Variants in PDZD2 observed in about 807,000 individuals in gnomAD.
The protein encoded by PDZD2 is PDZ domain containing 2.
PDZD2 carries 90 observed loss-of-function variants against 220.7 expected under a neutral mutation model. The ratio of observed to expected loss-of-function variants is 0.41; its 90% CI spans 0.34 to 0.49. The LOEUF is 0.49. Ranked by LOEUF, PDZD2 falls within the 20% of genes least tolerant of loss-of-function variation. The probability of loss-of-function intolerance (pLI) is 0.28; values close to 1 mark genes in which losing one functional copy is unlikely to be tolerated. For synonymous variants in PDZD2, 1,375 were observed against 1,450.5 expected (o/e 0.95, Z 1.18); for missense variants, 3,174 against 3,608.5 (o/e 0.88, Z 3.08).
rs145355646 is a variant in PDZD2, at chr5:31,901,189, G to A, written c.477-81966G>A. Among the ~76,000 whole-genome samples, 643 of 152,158 alleles carry A rather than the reference G, an allele frequency of 4.2e-3. 5 individuals carry two copies. Among genetic ancestry groups the A allele is most frequent in the African/African-American group, 0.015 (617 of 41,520 alleles). On this transcript the variant is annotated intron_variant, in intron 2 of 24. Transcript: ENST00000438447. Reference sequence around the variant, plus strand: ...TCCCAGCACTTTGGGAGGCTGAGGCGGGCAGTTCACTTAAGGTCAGGAGTT... The same window carrying A: ...TCCCAGCACTTTGGGAGGCTGAGGCAGGCAGTTCACTTAAGGTCAGGAGTT...
rs370997929 is a variant in PDZD2, at chr5:32,108,784, C to T, written c.*649C>T. 4 of 152,590 alleles carry T rather than the reference C, an allele frequency of 2.6e-5. No homozygotes were observed. The highest frequency in any genetic ancestry group is 1.9e-4 in the East Asian group (1 of 5,202). 9.5% of individuals were successfully genotyped at this position (152,590 alleles called of 1,614,324 possible). Reference sequence around the variant, plus strand: ...TTTAGTGAGTGTAATGTATAATGTACGTATGCAAAGTTCAACTCAATAGGT... The same window carrying T: ...TTTAGTGAGTGTAATGTATAATGTATGTATGCAAAGTTCAACTCAATAGGT... On this transcript the variant is annotated 3_prime_UTR_variant, in exon 25 of 25. Coordinates refer to ENST00000438447, the MANE Select transcript of PDZD2 (RefSeq NM_178140.4).
rs1215210566 is a variant in PDZD2 at position 31,661,920 on chromosome 5, T to A, written c.-361+22483T>A. Among the ~76,000 whole-genome samples the A allele has an allele frequency of 5.9e-5, 9 of 151,632 alleles. No individual in the cohort carries two copies. The East Asian group carries it at 1.6e-3, about 26-fold the overall frequency. On this transcript the variant is annotated intron_variant, in intron 1 of 24. Coordinates refer to ENST00000438447, the MANE Select transcript of PDZD2 (RefSeq NM_178140.4). ...TCCTGGGTGGCCCAGACACCAACAC[T>A]CTCAGCTGTAGTCCAGACACGTCAT...
intron 2 of PDZD2, among the ~76,000 whole-genome samples, chr5:31,858,420 G>A (rs1183829144): frequency 6.6e-6 from 1 of 152,162 alleles, no homozygotes; most frequent in Non-Finnish European, 1.5e-5. Flanking sequence ...GATGTGATCT[G>A]ACTCCATCTT....
At chr5:31,927,383 T>TTTG (rs1264010850) in intron 2 of PDZD2, among the ~76,000 whole-genome samples, 3 of 151,862 alleles carry the variant, frequency 2.0e-5, no homozygotes, top group Non-Finnish European at 4.4e-5. Flanking sequence ...TTGGGTGTTT[T>TTTG]TTTGTTTGTT....
At position 32,037,357 on chromosome 5, in the gene PDZD2, T is replaced by G; in HGVS notation, c.1519+15T>G. 34 of 1,395,506 alleles carry G rather than the reference T, an allele frequency of 2.4e-5. No homozygotes were observed. Among genetic ancestry groups the G allele is most frequent in the Non-Finnish European group, 3.2e-5 (31 of 981,386 alleles). 86.4% of individuals were successfully genotyped at this position (1,395,506 alleles called of 1,614,324 possible). ...TCGCCTTTCAGGTAGGTGGGGGCTC[T>G]ACCTGATGCAGCCTGTCTAGGATGA... On this transcript the variant is annotated intron_variant, in intron 7 of 24. Coordinates refer to ENST00000438447, the MANE Select transcript of PDZD2 (RefSeq NM_178140.4).
chr5:32,028,662 ATT>A (rs749566544), intron 6 of PDZD2, among the ~76,000 whole-genome samples: 3 of 66,930 alleles, frequency 4.5e-5, no homozygotes, highest in African/African-American at 1.1e-4. Flanking sequence ...TGCTCCTTCT[ATT>A]TTTTTTTTTT....
chr5:31,899,802 G>C (rs942801941), intron 2 of PDZD2, among the ~76,000 whole-genome samples: 1 of 152,114 alleles, frequency 6.6e-6, no homozygotes, highest in African/African-American at 2.4e-5. Flanking sequence ...AGAGGCCCAA[G>C]AGAGCTCATT....
At chr5:32,097,447 G>A (rs1310815621) in intron 22 of PDZD2, 67 bp downstream of exon 22, 8 of 940,886 alleles carry the variant, frequency 8.5e-6, no homozygotes, top group South Asian at 2.7e-5. Flanking sequence ...TGTGATCAGG[G>A]CACAAATTCC....
intron 1 of PDZD2, among the ~76,000 whole-genome samples, chr5:31,701,739 A>G (rs1747617845): frequency 6.6e-6 from 1 of 152,206 alleles, no homozygotes; most frequent in Admixed American, 6.5e-5. Context: ...TTTCTCTCAC[A>G]TTCGGAAACC....
chr5:31,815,088 C>T (rs13160547), intron 2 of PDZD2, among the ~76,000 whole-genome samples: 27,455 of 151,202 alleles, frequency 0.18, 2,825 homozygotes, highest in African/African-American at 0.27. Flanking sequence ...ACTAAAAATA[C>T]AAGAAAATGA....
intron 2 of PDZD2, among the ~76,000 whole-genome samples, chr5:31,979,579 CAAA>C (rs10590418): frequency 2.5e-3 from 340 of 138,532 alleles, no homozygotes; most frequent in East Asian, 4.0e-3. Flanking sequence ...GACTCTGTCT[CAAA>C]AAAAAAAAAA....
chr5:31,980,500 G>A (rs1211617637), intron 2 of PDZD2, among the ~76,000 whole-genome samples: 1 of 152,168 alleles, frequency 6.6e-6, no homozygotes, highest in African/African-American at 2.4e-5. Context: ...TTAATGTTAG[G>A]TCAAAGCCAG....
chr5:31,830,169 T>A (rs1756477315), intron 2 of PDZD2, among the ~76,000 whole-genome samples: 1 of 36,326 alleles, frequency 2.8e-5, no homozygotes, highest in African/African-American at 1.2e-4. Flanking sequence ...ATCCAATGGC[T>A]TTTTTTTTTT....
At chr5:31,747,632 TGGG>T (rs1750679900) in intron 1 of PDZD2, 1 of 152,314 alleles carries the variant, frequency 6.6e-6, no homozygotes, top group African/African-American at 2.4e-5. Context: ...TTCCATGGCT[TGGG>T]GGCTCTGGCC....
At chr5:32,079,536 G>A (rs1457626862) in intron 19 of PDZD2, among the ~76,000 whole-genome samples, 4 of 151,980 alleles carry the variant, frequency 2.6e-5, no homozygotes, top group Admixed American at 6.6e-5. Flanking sequence ...GCCGGGTGCC[G>A]TGGCTCACAC....
At chr5:32,024,703 A>AGAAG (rs558332850) in intron 6 of PDZD2, among the ~76,000 whole-genome samples, 1 of 140,236 alleles carries the variant, frequency 7.1e-6, no homozygotes, top group African/African-American at 2.6e-5. Context: ...AGAAAGAAAA[A>AGAAG]AAAGAAAAGG....
chr5:32,022,154 T>C (rs1754247189), intron 6 of PDZD2, among the ~76,000 whole-genome samples: 1 of 152,012 alleles, frequency 6.6e-6, no homozygotes, highest in South Asian at 2.1e-4. Flanking sequence ...ATTTCTGTAC[T>C]TGTCTTCTTC....
intron 1 of PDZD2, among the ~76,000 whole-genome samples, chr5:31,780,666 A>G (rs1396082340): frequency 6.6e-6 from 1 of 152,182 alleles, no homozygotes; most frequent in Non-Finnish European, 1.5e-5. Context: ...CTCCAAGCAC[A>G]GAAGCACACA....
chr5:31,852,882 C>A (rs938640405), intron 2 of PDZD2, among the ~76,000 whole-genome samples: 4 of 152,192 alleles, frequency 2.6e-5, no homozygotes, highest in Non-Finnish European at 5.9e-5. Flanking sequence ...CAGGCGTGAG[C>A]CACTGCGCCT....
Sources: allele counts gnomAD v4.1 joint callset (sites outside exome capture counted in the v4.1 genomes callset), GRCh38; gene constraint gnomAD v4.1.1; transcripts MANE v1.5; gene names NCBI Gene and HGNC (gene_info 2026-07-23, HGNC 2026-07-21).